PRIM2: variants seen among roughly 807,000 people sequenced by gnomAD.
PRIM2 encodes the protein DNA primase large subunit.
PRIM2 carries 39 observed loss-of-function variants against 67.3 expected under a neutral mutation model. The observed-to-expected ratio is 0.58, with a 90% CI of 0.45 to 0.76. The LOEUF is 0.76. Among genes scored for constraint, PRIM2 ranks in the 30% least tolerant of loss-of-function variants. The pLI is 0.00. For missense variants in PRIM2, 398 were observed against 598.7 expected (o/e 0.66, Z 3.50); for synonymous variants, 143 against 198.7 (o/e 0.72, Z 2.36).
chr6:57,379,483 G>T (rs1483064133), intron 5 of PRIM2, among the ~76,000 whole-genome samples: 1 of 152,106 alleles, frequency 6.6e-6, no homozygotes, highest in Admixed American at 6.6e-5. Context: ...GTCTTATGTG[G>T]CTAGAAAATT....
chr6:57,222,487 G>A, the PRIM2 span, among the ~76,000 whole-genome samples: 1 of 152,220 alleles, frequency 6.6e-6, no homozygotes, highest in Non-Finnish European at 1.5e-5. Flanking sequence ...AAGAGAAATC[G>A]GCCAATGACG....
chr6:57,346,356 G>A (rs75303217), intron 5 of PRIM2, among the ~76,000 whole-genome samples: 11 of 151,716 alleles, frequency 7.3e-5, no homozygotes, highest in African/African-American at 2.7e-4. Context: ...TCACTCTGTC[G>A]CCCAGGCTGG....
chr6:57,631,600 A>G (rs1410824116), intron 12 of PRIM2, among the ~76,000 whole-genome samples: 1 of 152,154 alleles, frequency 6.6e-6, no homozygotes, highest in Non-Finnish European at 1.5e-5. Context: ...ATCTGACTGA[A>G]GGTAAAAGCA....
intron 10 of PRIM2, among the ~76,000 whole-genome samples, chr6:57,555,559 C>T (rs1333415890): frequency 2.5e-4 from 38 of 151,990 alleles, no homozygotes; most frequent in Non-Finnish European, 2.6e-4. Flanking sequence ...GGATTATAGG[C>T]GTGAGCCACC....
chr6:57,319,827 A>G (rs1313410098), intron 2 of PRIM2, among the ~76,000 whole-genome samples: 1 of 152,000 alleles, frequency 6.6e-6, no homozygotes, highest in East Asian at 1.9e-4. Flanking sequence ...TAATTTGGAT[A>G]CCCATACCTG....
intron 6 of PRIM2, among the ~76,000 whole-genome samples, chr6:57,380,449 G>A (rs934908713): frequency 7.9e-5 from 12 of 152,078 alleles, no homozygotes; most frequent in African/African-American, 1.9e-4. Context: ...GTAAGCCTAC[G>A]TTTTTTCCTA....
chr6:57,240,108 T>TTTTG, the PRIM2 span, among the ~76,000 whole-genome samples: 230 of 135,116 alleles, frequency 1.7e-3, 2 homozygotes, highest in Middle Eastern at 3.6e-3. Flanking sequence ...TTTTTTTTTT[T>TTTTG]TTTTTTTTGA....
chr6:57,428,877 G>C (rs73749587), intron 7 of PRIM2, among the ~76,000 whole-genome samples: 1 of 151,854 alleles, frequency 6.6e-6, no homozygotes, highest in South Asian at 2.1e-4. Context: ...TTCATATTTC[G>C]CCAGTTTTAA....
the PRIM2 span, among the ~76,000 whole-genome samples, chr6:57,241,894 G>T: frequency 5.3e-5 from 8 of 152,042 alleles, no homozygotes; most frequent in South Asian, 2.1e-4. Context: ...GGATGGTCTC[G>T]ATCTCCTGAC....
chr6:57,338,388 G>A (rs913372073), intron 5 of PRIM2, among the ~76,000 whole-genome samples: 21 of 151,898 alleles, frequency 1.4e-4, no homozygotes, highest in East Asian at 1.9e-4. Context: ...TACCAAAGCC[G>A]GGCAGAGACA....
intron 7 of PRIM2, among the ~76,000 whole-genome samples, chr6:57,480,753 C>T (rs1773602985): frequency 2.6e-5 from 4 of 152,156 alleles, no homozygotes; most frequent in South Asian, 2.1e-4. Flanking sequence ...CTCAGCCTCC[C>T]GAGTAGCTGG....
upstream of PRIM2, among the ~76,000 whole-genome samples, chr6:57,312,052 A>C (rs1298341666): frequency 2.7e-5 from 1 of 36,458 alleles, no homozygotes; most frequent in Non-Finnish European, 5.8e-5. Context: ...GAGAGGGGAG[A>C]GGGGAGAGGG....
chr6:57,394,430 G>A (rs963301274), intron 7 of PRIM2, among the ~76,000 whole-genome samples: 2 of 151,980 alleles, frequency 1.3e-5, no homozygotes, highest in African/African-American at 4.8e-5. Flanking sequence ...TGCAGGTATT[G>A]TAAAAGGGAT....
At position 57,388,796 on chromosome 6, in the gene PRIM2, A is replaced by C. The variant is rs572614863; in HGVS notation, c.693+6628A>C. ...AAATAAAATAAAGAGTTCTATTCTGACCACGTTAAGTAGAAGGTGCTTATT... is the reference window on the plus strand; with the variant it reads ...AAATAAAATAAAGAGTTCTATTCTGCCCACGTTAAGTAGAAGGTGCTTATT... On this transcript the variant is annotated intron_variant, in intron 7 of 13. Coordinates refer to ENST00000615550, the MANE Select transcript of PRIM2 (RefSeq NM_000947.5). Among the ~76,000 whole-genome samples, 1,087 of 152,300 alleles carry C rather than the reference A, an allele frequency of 7.1e-3. 15 individuals carry two copies. The highest frequency in any genetic ancestry group is 0.024 in the African/African-American group (999 of 41,564).
chr6:57,632,852 C>T (rs1777058600), intron 13 of PRIM2, among the ~76,000 whole-genome samples: 2 of 152,186 alleles, frequency 1.3e-5, no homozygotes. Flanking sequence ...ATGGCAAAAC[C>T]TAGATTGCAT....
chr6:57,529,262 A>T (rs1774834242), intron 8 of PRIM2, among the ~76,000 whole-genome samples: 1 of 151,786 alleles, frequency 6.6e-6, no homozygotes, highest in African/African-American at 2.4e-5. Flanking sequence ...GTGAGCGGAG[A>T]TCGCCCCACT....
chr6:57,247,152 G>T, the PRIM2 span, among the ~76,000 whole-genome samples: 1 of 152,122 alleles, frequency 6.6e-6, no homozygotes, highest in African/African-American at 2.4e-5. Context: ...CACCGCGCCC[G>T]GCCTGGACTT....
intron 7 of PRIM2, among the ~76,000 whole-genome samples, chr6:57,411,537 T>C (rs1404503486): frequency 1.3e-5 from 2 of 151,472 alleles, no homozygotes; most frequent in African/African-American, 4.9e-5. Flanking sequence ...ATTGCACCAC[T>C]GCACTGCAGC....
chr6:57,627,279 CAA>C (rs1158722297), intron 12 of PRIM2, among the ~76,000 whole-genome samples: 4 of 24,536 alleles, frequency 1.6e-4, no homozygotes, highest in East Asian at 3.4e-3. Flanking sequence ...GACTCTGTCT[CAA>C]AAAAAAAAAA....
Sources: allele counts gnomAD v4.1 joint callset (sites outside exome capture counted in the v4.1 genomes callset), GRCh38; gene constraint gnomAD v4.1.1; transcripts MANE v1.5; gene names NCBI Gene and HGNC (gene_info 2026-07-23, HGNC 2026-07-21).